GREM2: variants seen among roughly 807,000 people sequenced by gnomAD.
The protein encoded by GREM2 is gremlin 2, DAN family BMP antagonist.
A neutral mutation model predicts 14.2 loss-of-function variants in GREM2; 11 were observed. The ratio of observed to expected loss-of-function variants is 0.78; its 90% confidence interval spans 0.49 to 1.28. The LOEUF (loss-of-function observed/expected upper bound fraction) is 1.28, where lower values mean the gene tolerates loss of function less well. GREM2 is among the 50% of genes most tolerant of loss of function. The pLI is 0.00. For missense variants in GREM2, 210 were observed against 218.5 expected, an observed-to-expected ratio of 0.96 and a Z score of 0.24; for synonymous variants, 98 against 97.6, an observed-to-expected ratio of 1.00 and a Z score of -0.02.
intron 1 of GREM2, among the ~76,000 whole-genome samples, chr1:240,608,171 G>A (rs774870726): frequency 4.6e-5 from 7 of 152,160 alleles, no homozygotes; most frequent in African/African-American, 1.7e-4. Context: ...CTGAGACTGT[G>A]GTGAAGACTG....
intron 1 of GREM2, among the ~76,000 whole-genome samples, chr1:240,534,579 C>T (rs1182386050): frequency 6.6e-6 from 1 of 151,788 alleles, no homozygotes; most frequent in Non-Finnish European, 1.5e-5. Flanking sequence ...GTAGTCCCAG[C>T]TACTCCGGGA....
intron 1 of GREM2, among the ~76,000 whole-genome samples, chr1:240,526,077 C>T (rs1678215805): frequency 6.6e-6 from 1 of 152,162 alleles, no homozygotes; most frequent in Non-Finnish European, 1.5e-5. Context: ...ATTGAGCCTG[C>T]CTGGATTACC....
intron 1 of GREM2, among the ~76,000 whole-genome samples, chr1:240,582,358 A>G (rs4565701): frequency 0.32 from 49,273 of 152,032 alleles, 10,143 homozygotes; most frequent in African/African-American, 0.58. Flanking sequence ...TCACTTGAAC[A>G]CAGGAGGTGG....
At chr1:240,513,447 C>T (rs541159060) in intron 1 of GREM2, among the ~76,000 whole-genome samples, 1 of 151,924 alleles carries the variant, frequency 6.6e-6, no homozygotes, top group African/African-American at 2.4e-5. Flanking sequence ...TGGTGGCATG[C>T]GACTGTAGTC....
chr1:240,499,348 C>T (rs1217041673), intron 1 of GREM2, among the ~76,000 whole-genome samples: 1 of 152,130 alleles, frequency 6.6e-6, no homozygotes, highest in African/African-American at 2.4e-5. Context: ...GGGGCTGAAA[C>T]TTTTTCTACA....
At chr1:240,591,714 C>T (rs748429761) in intron 1 of GREM2, among the ~76,000 whole-genome samples, 51 of 152,208 alleles carry the variant, frequency 3.4e-4, no homozygotes, top group Non-Finnish European at 4.3e-4. Context: ...TCATAAGTCA[C>T]GACTTGCTGA....
chr1:240,540,358 G>A lies in GREM2; in HGVS notation c.-1-46882C>T, dbSNP rs1678559510. Among the ~76,000 whole-genome samples the A allele has an allele frequency of 6.6e-6, 1 of 152,162 alleles. No individual in the cohort carries two copies. On this transcript the variant is annotated intron_variant, in intron 1 of 1. Transcript: ENST00000318160. The surrounding 1 kb of genome is among the most constrained non-coding windows in gnomAD (Gnocchi z 4.2). Reference sequence around the variant, plus strand: ...AAGGAACATCGTGAGTCCTTCAATTGCTGCCAAGTGAAGAAGGGAGAAAAA... The same window carrying A: ...AAGGAACATCGTGAGTCCTTCAATTACTGCCAAGTGAAGAAGGGAGAAAAA...
chr1:240,597,184 G>A (rs1281678882), intron 1 of GREM2, among the ~76,000 whole-genome samples: 1 of 152,212 alleles, frequency 6.6e-6, no homozygotes, highest in Non-Finnish European at 1.5e-5. Flanking sequence ...AAGAAAGCCA[G>A]GAATGAGACC....
intron 1 of GREM2, among the ~76,000 whole-genome samples, chr1:240,517,528 A>C (rs1226391781): frequency 6.6e-6 from 1 of 152,232 alleles, no homozygotes; most frequent in Non-Finnish European, 1.5e-5. Flanking sequence ...TATAGTTGTG[A>C]TGCTATGATA....
At position 240,576,856 on chromosome 1, in the gene GREM2, G is replaced by A. The variant is rs146856097; in HGVS notation, c.-2+35028C>T. 3.1e-3 allele frequency among the ~76,000 whole-genome samples: 473 copies of A among 152,098 alleles called. 5 individuals are homozygous for A. The highest frequency in any genetic ancestry group is 0.011 in the African/African-American group (455 of 41,488). ...AGCTCTGCCAGTTCCTTTTGCATTC[G>A]TTTACTGTATTTTATTTTTAAAACA... On this transcript the variant is annotated intron_variant, in intron 1 of 1. Coordinates refer to ENST00000318160, the MANE Select transcript of GREM2 (RefSeq NM_022469.4).
rs554338595 is a variant in GREM2, at chr1:240,501,452, T to C, written c.-1-7976A>G. Among the ~76,000 whole-genome samples, 64 of 152,324 alleles carry C rather than the reference T, an allele frequency of 4.2e-4. 1 individual carries two copies. The highest frequency in any genetic ancestry group is 1.5e-3 in the African/African-American group (62 of 41,586). On this transcript the variant is annotated intron_variant, in intron 1 of 1. Coordinates refer to ENST00000318160, the MANE Select transcript of GREM2 (RefSeq NM_022469.4). ...CAACAGAGAAGAAATGATACTATCATTACTTACTTTGACTTCTGGACAGCA... is the reference window on the plus strand; with the variant it reads ...CAACAGAGAAGAAATGATACTATCACTACTTACTTTGACTTCTGGACAGCA...
intron 1 of GREM2, among the ~76,000 whole-genome samples, chr1:240,525,451 T>C (rs1043431393): frequency 6.6e-6 from 1 of 152,074 alleles, no homozygotes; most frequent in Non-Finnish European, 1.5e-5. Flanking sequence ...ATGGCAGCCG[T>C]AGCAAAGGGC....
At chr1:240,526,010 T>C (rs374482085) in intron 1 of GREM2, among the ~76,000 whole-genome samples, 6 of 152,106 alleles carry the variant, frequency 3.9e-5, no homozygotes, top group Admixed American at 6.6e-5. Flanking sequence ...TGCAGTCACA[T>C]CTCCTTCTGA....
intron 1 of GREM2, among the ~76,000 whole-genome samples, chr1:240,600,264 G>A (rs534560360): frequency 6.2e-4 from 94 of 152,170 alleles, no homozygotes; most frequent in Non-Finnish European, 9.9e-4. Context: ...CTCTTGATTT[G>A]GAAGGCATCA....
chr1:240,552,855 T>C (rs1678881181), intron 1 of GREM2, among the ~76,000 whole-genome samples: 1 of 152,236 alleles, frequency 6.6e-6, no homozygotes, highest in Non-Finnish European at 1.5e-5. Flanking sequence ...TTTCTAATTA[T>C]TAAGCTCTTC....
Position 240,543,375 on chromosome 1 carries a change from G to A in GREM2, c.-1-49899C>T, listed in dbSNP as rs1438911477. 6.6e-6 allele frequency among the ~76,000 whole-genome samples: 1 copy of A among 152,204 alleles called. No homozygotes were observed. The highest frequency in any genetic ancestry group is 1.5e-5 in the Non-Finnish European group (1 of 68,044). The stretch of plus-strand genomic sequence containing the variant: ...GGGAGGCCTCACAATCAAGGCAGAA[G>A]ACAAATGAGGAGCAAAATCACGTCT... On this transcript the variant is annotated intron_variant, in intron 1 of 1. Transcript: ENST00000318160. This position sits in a 1 kb window ranked among gnomAD's most constrained non-coding sequence, Gnocchi z 6.4.
In GREM2 at chr1:240,493,532, A is replaced by T; in HGVS notation, c.-1-56T>A. 4 of 1,456,210 alleles carry T rather than the reference A, an allele frequency of 2.7e-6. No homozygotes were observed. The Admixed American group carries it at 1.1e-4, about 40-fold the overall frequency. The allele number at this position is 1,456,210 out of a possible 1,614,324, so 90.2% of individuals were successfully genotyped here. On this transcript the variant is annotated intron_variant, in intron 1 of 1. Coordinates refer to ENST00000318160, the MANE Select transcript of GREM2 (RefSeq NM_022469.4). The stretch of plus-strand genomic sequence containing the variant: ...TGAAGGGCCGTAGAGTACGGGATCA[A>T]TCTTACTTATTTTTTTTTTTATTTT...
intron 1 of GREM2, among the ~76,000 whole-genome samples, chr1:240,595,954 G>GC (rs1465186372): frequency 6.6e-6 from 1 of 152,292 alleles, no homozygotes; most frequent in East Asian, 1.9e-4. Flanking sequence ...GGATAACAAT[G>GC]CAATTGTCAC....
chr1:240,529,256 T>G (rs1360521190), intron 1 of GREM2, among the ~76,000 whole-genome samples: 1 of 149,308 alleles, frequency 6.7e-6, no homozygotes, highest in Non-Finnish European at 1.5e-5. Flanking sequence ...TTTTTTTTTT[T>G]TAGCTGCCTA....
Sources: allele counts gnomAD v4.1 joint callset (sites outside exome capture counted in the v4.1 genomes callset), GRCh38; gene constraint gnomAD v4.1.1; non-coding constraint Gnocchi (gnomAD v3.1); transcripts MANE v1.5; gene names NCBI Gene and HGNC (gene_info 2026-07-23, HGNC 2026-07-21).